The following KSR2 variants were observed in gnomAD, a reference collection of about 807,000 sequenced individuals.
KSR2 encodes the protein kinase suppressor of ras 2.
Under a neutral mutation model 107.8 loss-of-function variants are expected in KSR2, and 25 were observed. That is an observed-to-expected ratio of 0.23 (90% CI 0.17 to 0.32). KSR2 has a LOEUF of 0.32. Among genes scored for constraint, KSR2 ranks in the 10% least tolerant of loss-of-function variants. KSR2 has a pLI of 1.00. For synonymous variants in KSR2, 480 were observed against 507.0 expected (o/e 0.95, Z 0.71); for missense variants, 887 against 1,268.9 (o/e 0.70, Z 4.57).
rs542031591 is a variant in KSR2, at chr12:117,600,590, C to T, written c.1172-18231G>A. Among the ~76,000 whole-genome samples the T allele has an allele frequency of 1.6e-4, 25 of 152,320 alleles. No individual in the cohort carries two copies. The South Asian group carries it at 5.2e-3, about 32-fold the overall frequency. On this transcript the variant is annotated intron_variant, in intron 5 of 19. Transcript: ENST00000339824. ...GGATTGATGAACTCCTAAAGAAGCA[C>T]ATTCACAGGCCTGATCTATGCCTCT...
chr12:117,878,055 A>AG (rs1469741837), intron 1 of KSR2, among the ~76,000 whole-genome samples: 1 of 152,086 alleles, frequency 6.6e-6, no homozygotes, highest in East Asian at 1.9e-4. Flanking sequence ...AGATGTGGAG[A>AG]GGGCAGCTTT....
At chr12:117,727,144 G>A (rs1314269127) in intron 4 of KSR2, among the ~76,000 whole-genome samples, 3 of 151,994 alleles carry the variant, frequency 2.0e-5, no homozygotes, top group African/African-American at 7.3e-5. Flanking sequence ...GAGACACCAA[G>A]GTGGGAGGAC....
rs77984250 is a variant in KSR2, at chr12:117,897,787, A to G, written c.181-37356T>C. ...ACCACCAAGCAGATGCCATACAAAT[A>G]TAATGGGCTTAATTCCCCAAATTGT... On this transcript the variant is annotated intron_variant, in intron 1 of 19. Coordinates refer to ENST00000339824, the MANE Select transcript of KSR2 (RefSeq NM_173598.6). The surrounding 1 kb of genome is among the most constrained non-coding windows in gnomAD (Gnocchi z 4.5). Among the ~76,000 whole-genome samples, 205 of 152,254 alleles carry G rather than the reference A, an allele frequency of 1.3e-3. 1 individual carries two copies. Among genetic ancestry groups the G allele is most frequent in the African/African-American group, 4.8e-3 (198 of 41,560 alleles).
In KSR2 at chr12:117,463,031, A is replaced by T. The variant is rs550563197; in HGVS notation, c.*4168T>A. On this transcript the variant is annotated 3_prime_UTR_variant, in exon 20 of 20. Coordinates refer to ENST00000339824, the MANE Select transcript of KSR2 (RefSeq NM_173598.6). The stretch of plus-strand genomic sequence containing the variant: ...CTGACACCTTGATCTTGGGACTTCC[A>T]GCCTCAAGAATTGTGAGGAATAAAT... 1 of 152,402 alleles carries T rather than the reference A, an allele frequency of 6.6e-6. No individual in the cohort carries two copies. Among genetic ancestry groups the T allele is most frequent in the East Asian group, 1.9e-4 (1 of 5,194 alleles). 9.4% of individuals were successfully genotyped at this position (152,402 alleles called of 1,614,324 possible). A position where few individuals can be genotyped will look rare whatever the true frequency, so the allele number is the denominator to read the frequency against.
intron 17 of KSR2, 55 bp from the exon 18 acceptor site, chr12:117,471,375 G>A: frequency 6.3e-7 from 1 of 1,576,550 alleles, no homozygotes. Flanking sequence ...TTGCAACCTT[G>A]TACCTCCATT....
chr12:117,894,876 T>G (rs1894462443), intron 1 of KSR2, among the ~76,000 whole-genome samples: 1 of 151,836 alleles, frequency 6.6e-6, no homozygotes, highest in Non-Finnish European at 1.5e-5. Flanking sequence ...TGTGAGTCAA[T>G]TAAACCTCTT....
In KSR2 at chr12:117,633,782, T is replaced by A. The variant is rs186901745; in HGVS notation, c.1171+33692A>T. 5.0e-3 allele frequency among the ~76,000 whole-genome samples: 761 copies of A among 152,228 alleles called. 5 individuals carry two copies. Among genetic ancestry groups the A allele is most frequent in the Admixed American group, 0.011 (162 of 15,286 alleles). ...CCTATTTCTGTTAATAAAATCACAC[T>A]CTGGGGTTCTGCATGGATATAAGTT... is the stretch of plus-strand genomic sequence containing the variant. On this transcript the variant is annotated intron_variant, in intron 5 of 19. Transcript: ENST00000339824.
At chr12:117,913,077 G>A (rs1895070546) in intron 1 of KSR2, among the ~76,000 whole-genome samples, 1 of 152,180 alleles carries the variant, frequency 6.6e-6, no homozygotes, top group African/African-American at 2.4e-5. Context: ...CAGGGAAACC[G>A]TGACATCTCC....
chr12:117,688,363 C>A (rs367982716), intron 4 of KSR2, among the ~76,000 whole-genome samples: 1 of 152,138 alleles, frequency 6.6e-6, no homozygotes, highest in African/African-American at 2.4e-5. Flanking sequence ...GGTGACAGAG[C>A]AAGACCTTGT....
intron 4 of KSR2, among the ~76,000 whole-genome samples, chr12:117,693,878 T>C (rs948869157): frequency 6.6e-6 from 1 of 152,226 alleles, no homozygotes; most frequent in African/African-American, 2.4e-5. Flanking sequence ...CTAGAAGACA[T>C]GCTCTGACGC....
At chr12:117,799,739 T>C (rs574006990) in intron 3 of KSR2, among the ~76,000 whole-genome samples, 1 of 152,268 alleles carries the variant, frequency 6.6e-6, no homozygotes, top group East Asian at 1.9e-4. Context: ...TTTTCTAATC[T>C]ATAATAGTAC....
chr12:117,611,631 A>G (rs1881607672), intron 5 of KSR2, among the ~76,000 whole-genome samples: 1 of 152,158 alleles, frequency 6.6e-6, no homozygotes, highest in African/African-American at 2.4e-5. Context: ...TTGGCCAAGA[A>G]CAGGTCCCGA....
intron 1 of KSR2, among the ~76,000 whole-genome samples, chr12:117,923,667 A>G (rs1012696361): frequency 4.6e-5 from 7 of 150,862 alleles, no homozygotes; most frequent in Admixed American, 2.0e-4. Context: ...TAAAATATAT[A>G]TGTGTGTGTG....
At chr12:117,614,092 C>T (rs1881747784) in intron 5 of KSR2, among the ~76,000 whole-genome samples, 1 of 151,948 alleles carries the variant, frequency 6.6e-6, no homozygotes, top group Admixed American at 6.6e-5. Flanking sequence ...GTTGTTAATG[C>T]CATATACATA....
intron 7 of KSR2, among the ~76,000 whole-genome samples, chr12:117,567,435 C>A (rs7298912): frequency 0.42 from 63,919 of 150,658 alleles, 14,137 homozygotes; most frequent in Non-Finnish European, 0.49. Flanking sequence ...GCAAACATGG[C>A]GCGCGGTCTC....
chr12:117,785,310 G>T (rs761055498), intron 3 of KSR2, among the ~76,000 whole-genome samples: 5 of 148,614 alleles, frequency 3.4e-5, no homozygotes, highest in Non-Finnish European at 7.4e-5. Context: ...AGCTACTTGG[G>T]AGGTTAAGAC....
chr12:117,597,015 T>C (rs1880688760), intron 5 of KSR2, among the ~76,000 whole-genome samples: 1 of 152,222 alleles, frequency 6.6e-6, no homozygotes, highest in East Asian at 1.9e-4. Context: ...CTTAGATTTT[T>C]TTCTCCATGG....
chr12:117,832,589 C>A (rs185218604), intron 3 of KSR2, among the ~76,000 whole-genome samples: 1 of 152,210 alleles, frequency 6.6e-6, no homozygotes, highest in South Asian at 2.1e-4. Flanking sequence ...CAGAGAGCCA[C>A]GGAGGTCAGG....
intron 3 of KSR2, among the ~76,000 whole-genome samples, chr12:117,830,274 TAA>T (rs779967811): frequency 8.2e-6 from 1 of 122,184 alleles, no homozygotes; most frequent in African/African-American, 3.1e-5. Flanking sequence ...ATCTCAAAAA[TAA>T]AAAAAAAAAA....
Sources: gnomAD v4.1 joint callset for allele counts (sites outside exome capture counted in the v4.1 genomes callset) on GRCh38, gnomAD v4.1.1 for gene constraint, Gnocchi (gnomAD v3.1) non-coding constraint, MANE v1.5 for transcripts, NCBI Gene and HGNC (gene_info 2026-07-23, HGNC 2026-07-21) for gene names.